TASP1: variants seen among roughly 807,000 people sequenced by gnomAD.
TASP1 encodes the protein taspase 1.
A neutral mutation model predicts 56.6 loss-of-function variants in TASP1; 16 were observed. The observed-to-expected ratio is 0.28, with a 90% CI of 0.19 to 0.43. The LOEUF (loss-of-function observed/expected upper bound fraction) is 0.43, where lower values mean the gene tolerates loss of function less well. Among genes scored for constraint, TASP1 ranks in the 20% least tolerant of loss-of-function variants. The pLI is 1.00. For missense variants in TASP1, 393 were observed against 511.6 expected (o/e 0.77, Z 2.24); for synonymous variants, 179 against 184.2 (o/e 0.97, Z 0.23).
chr20:13,144,502 A>G, the TASP1 span, among the ~76,000 whole-genome samples: 1 of 152,228 alleles, frequency 6.6e-6, no homozygotes, highest in Non-Finnish European at 1.5e-5. Flanking sequence ...ATCTCTATAG[A>G]TATAGAGGCA....
In TASP1 at chr20:13,629,969, T is replaced by G; in HGVS notation, c.110A>C (p.Lys37Thr). The G allele has an allele frequency of 1.2e-6, 2 of 1,614,024 alleles. No individual in the cohort carries two copies. Among genetic ancestry groups the G allele is most frequent in the Non-Finnish European group, 1.7e-6 (2 of 1,179,992 alleles). The change falls in exon 2 of 14, where the codon AAA (lysine) becomes ACA (threonine). Residue 37 changes from lysine (K) to threonine (T), a missense_variant. Around this residue, in one of 3 missense-constraint regions of TASP1, gnomAD observed 52 missense variants for 51.1 expected, o/e 1.02. Transcript: ENST00000337743. Reference protein sequence around the residue: ...AKELETKQSYKEKRGGFVLVH... With the variant: ...AKELETKQSYTEKRGGFVLVH... ...CAACACAAAGCCTCCTCGTTTCTCT[T>G]TATAGGACTGCTTTGTTTCCAACTC...
chr20:13,623,225 C>CAA (rs149377512), intron 4 of TASP1, among the ~76,000 whole-genome samples: 72 of 144,282 alleles, frequency 5.0e-4, no homozygotes, highest in African/African-American at 1.6e-3. Context: ...ATGAATCTCA[C>CAA]AAAAAAAAAA....
chr20:13,543,519 T>C (rs2045697643), intron 8 of TASP1, among the ~76,000 whole-genome samples: 1 of 152,204 alleles, frequency 6.6e-6, no homozygotes, highest in African/African-American at 2.4e-5. Flanking sequence ...GAGAATAGCC[T>C]GAACCTTGGA....
intron 8 of TASP1, among the ~76,000 whole-genome samples, chr20:13,545,202 C>T (rs959167780): frequency 6.6e-6 from 1 of 152,130 alleles, no homozygotes; most frequent in Non-Finnish European, 1.5e-5. Flanking sequence ...TTTATCCTTT[C>T]GTTCCTCAAT....
the TASP1 span, among the ~76,000 whole-genome samples, chr20:13,233,449 G>T: frequency 6.6e-6 from 1 of 152,014 alleles, no homozygotes; most frequent in Non-Finnish European, 1.5e-5. Context: ...TACAAAATTA[G>T]CCGGGCGTGG....
intron 7 of TASP1, among the ~76,000 whole-genome samples, chr20:13,562,765 T>C (rs2046384209): frequency 6.6e-6 from 1 of 151,296 alleles, no homozygotes; most frequent in Admixed American, 6.6e-5. Context: ...TAGTCCCAGC[T>C]ACTCCAGCAG....
chr20:13,516,272 G>C (rs1400440034), intron 10 of TASP1, among the ~76,000 whole-genome samples: 1 of 152,108 alleles, frequency 6.6e-6, no homozygotes, highest in East Asian at 1.9e-4. Flanking sequence ...CAAGGGCCAT[G>C]AAGCAGCATG....
intron 8 of TASP1, among the ~76,000 whole-genome samples, chr20:13,549,374 C>T (rs1351421019): frequency 6.6e-6 from 1 of 152,092 alleles, no homozygotes; most frequent in Non-Finnish European, 1.5e-5. Context: ...TAATTAAGCA[C>T]TGGTTATTTC....
At chr20:13,477,292 A>C (rs2042980439) in intron 11 of TASP1, among the ~76,000 whole-genome samples, 1 of 152,158 alleles carries the variant, frequency 6.6e-6, no homozygotes, top group Non-Finnish European at 1.5e-5. Context: ...ATAGAGCAAA[A>C]ATCACTTTTT....
intron 11 of TASP1, among the ~76,000 whole-genome samples, chr20:13,442,057 T>C (rs914061484): frequency 2.0e-5 from 3 of 152,154 alleles, no homozygotes; most frequent in African/African-American, 7.2e-5. Context: ...TTACACATCA[T>C]TTGTACTTCC....
At chr20:13,512,744 T>A (rs2044383383) in intron 10 of TASP1, among the ~76,000 whole-genome samples, 1 of 152,224 alleles carries the variant, frequency 6.6e-6, no homozygotes, top group Admixed American at 6.5e-5. Context: ...GGTCTAACAT[T>A]TAAGTCTTTG....
the TASP1 span, among the ~76,000 whole-genome samples, chr20:13,119,352 C>T: frequency 3.3e-5 from 5 of 152,180 alleles, no homozygotes; most frequent in Non-Finnish European, 7.4e-5. Context: ...AACAAAGGCT[C>T]GCGACTAGCA....
intron 10 of TASP1, among the ~76,000 whole-genome samples, chr20:13,499,315 A>G (rs1274891015): frequency 6.6e-6 from 1 of 152,086 alleles, no homozygotes; most frequent in East Asian, 1.9e-4. Context: ...ACTACAGGGA[A>G]GATTGATGGA....
chr20:13,346,005 G>A, the TASP1 span, among the ~76,000 whole-genome samples: 1 of 151,932 alleles, frequency 6.6e-6, no homozygotes. Flanking sequence ...GCAGCTGGAG[G>A]GCTACTGCCC....
chr20:13,629,871 C>T, intron 2 of TASP1, 63 bp downstream of exon 2: 1 of 1,605,696 alleles, frequency 6.2e-7, no homozygotes, highest in Non-Finnish European at 8.5e-7. Context: ...TCTCAGTGTA[C>T]TTCAAGGCAG....
At chr20:13,224,934 T>C in the TASP1 span, among the ~76,000 whole-genome samples, 19 of 147,728 alleles carry the variant, frequency 1.3e-4, no homozygotes, top group East Asian at 4.0e-3. Context: ...CAACCTCCAC[T>C]TCCCGGGTTC....
intron 10 of TASP1, among the ~76,000 whole-genome samples, chr20:13,516,694 TTG>T (rs1249687151): frequency 6.6e-6 from 1 of 151,134 alleles, no homozygotes; most frequent in East Asian, 1.9e-4. Flanking sequence ...TTTCTTCACC[TTG>T]TGTTTTAAAA....
the TASP1 span, among the ~76,000 whole-genome samples, chr20:13,371,479 T>G: frequency 2.0e-5 from 3 of 151,728 alleles, no homozygotes; most frequent in African/African-American, 7.2e-5. Flanking sequence ...ATCTTTCTGT[T>G]ACTTTTAATT....
chr20:13,493,236 T>C (rs907647038), intron 10 of TASP1, among the ~76,000 whole-genome samples: 14 of 152,090 alleles, frequency 9.2e-5, no homozygotes, highest in African/African-American at 3.4e-4. Flanking sequence ...TCAGAGGAAG[T>C]GTGTAATTGA....
Sources: gnomAD v4.1 joint callset for allele counts (sites outside exome capture counted in the v4.1 genomes callset) on GRCh38, gnomAD v4.1.1 for gene constraint, gnomAD v4.1.1 regional missense constraint, MANE v1.5 for transcripts, NCBI Gene and HGNC (gene_info 2026-07-23, HGNC 2026-07-21) for gene names.